SMCO2: variants seen among roughly 807,000 people sequenced by gnomAD.
The protein encoded by SMCO2 is single-pass membrane protein with coiled-coil domains 2.
Under a neutral mutation model 29.5 loss-of-function variants are expected in SMCO2, and 25 were observed. That is an observed-to-expected ratio of 0.85 (90% CI 0.62 to 1.18). The LOEUF is 1.18. Ranked by LOEUF, SMCO2 falls within the 50% of genes most tolerant of loss-of-function variation. The pLI is 0.00. For missense variants in SMCO2, 348 were observed against 344.5 expected (o/e 1.01, Z -0.08); for synonymous variants, 117 against 123.3 (o/e 0.95, Z 0.34).
chr12:27,431,333 A>G, the SMCO2 span, among the ~76,000 whole-genome samples: 1 of 152,150 alleles, frequency 6.6e-6, no homozygotes, highest in African/African-American at 2.4e-5. Flanking sequence ...AACACTACTG[A>G]ACCACACATT....
the SMCO2 span, among the ~76,000 whole-genome samples, chr12:27,446,875 A>G: frequency 6.6e-6 from 1 of 152,106 alleles, no homozygotes; most frequent in African/African-American, 2.4e-5. Context: ...AAGTTCCCTG[A>G]TGCTTTTGCT....
exon 8 of SMCO2, chr12:27,502,105 C>T: frequency 3.2e-6 from 5 of 1,540,096 alleles, no homozygotes; most frequent in Non-Finnish European, 4.4e-6. Context: ...GAAGTGGAAG[C>T]CTTGTTACCC....
chr12:27,462,591 G>A (rs1163907169), upstream of SMCO2, among the ~76,000 whole-genome samples: 2 of 152,142 alleles, frequency 1.3e-5, no homozygotes, highest in Non-Finnish European at 2.9e-5. Flanking sequence ...TAAGCTGCAA[G>A]GTAGCTATTG....
chr12:27,495,604 C>T, intron 6 of SMCO2, 76 bp from the exon 8 acceptor site: 1 of 1,314,304 alleles, frequency 7.6e-7, no homozygotes, highest in Non-Finnish European at 1.0e-6. Context: ...AGAGGAAAAG[C>T]ACTCAGCATT....
At chr12:27,459,373 A>G in the SMCO2 span, among the ~76,000 whole-genome samples, 1 of 152,160 alleles carries the variant, frequency 6.6e-6, no homozygotes, top group Non-Finnish European at 1.5e-5. Flanking sequence ...ACACAGAAAC[A>G]GAAAACCAAA....
rs412978 is a variant in SMCO2 at position 27,488,540 on chromosome 12, G to C, written c.443G>C (p.Ser148Thr). 4 of 1,537,924 alleles carry C rather than the reference G, an allele frequency of 2.6e-6. No homozygotes were observed. In the African/African-American group the frequency reaches 5.5e-5, roughly 21 times the overall value. ...GGCCTTGACCTTGATCAAGGGACAA[G>C]CACTGAGGTAAGCTAGAGACTTGGG... The change falls in exon 5 of 8, where the codon AGC becomes ACC. Residue 148 changes from serine to threonine, a missense_variant. Coordinates refer to ENST00000298876, the Ensembl canonical transcript of SMCO2.
At chr12:27,439,848 A>G in the SMCO2 span, among the ~76,000 whole-genome samples, 1 of 152,176 alleles carries the variant, frequency 6.6e-6, no homozygotes, top group Non-Finnish European at 1.5e-5. Context: ...CAAGATATAG[A>G]AAAAAACTTC....
At chr12:27,447,564 C>T in the SMCO2 span, among the ~76,000 whole-genome samples, 1 of 152,056 alleles carries the variant, frequency 6.6e-6, no homozygotes, top group Middle Eastern at 3.4e-3. Context: ...CTGAGACCAG[C>T]CTGGCAACAC....
At chr12:27,464,716 C>CG (rs1949484058), upstream of SMCO2, among the ~76,000 whole-genome samples, 6 of 46,128 alleles carry the variant, frequency 1.3e-4, no homozygotes, top group Admixed American at 2.7e-4. Context: ...GACCCTGTCT[C>CG]AAAAAAAAAA....
At chr12:27,469,581 G>T (rs1415945970) in intron 1 of SMCO2, among the ~76,000 whole-genome samples, 1 of 152,112 alleles carries the variant, frequency 6.6e-6, no homozygotes, top group Non-Finnish European at 1.5e-5. Context: ...TTGTCCCTCA[G>T]GGTGCTGGGA....
At chr12:27,486,816 C>T (rs441707) in intron 4 of SMCO2, among the ~76,000 whole-genome samples, 18,589 of 152,120 alleles carry the variant, frequency 0.12, 2,166 homozygotes, top group African/African-American at 0.29. Context: ...AGACCAAAAA[C>T]TAGAAGGTAA....
chr12:27,445,740 G>A, the SMCO2 span, among the ~76,000 whole-genome samples: 4 of 152,276 alleles, frequency 2.6e-5, no homozygotes, highest in South Asian at 2.1e-4. Flanking sequence ...CTGCCATCAC[G>A]AAATACCACA....
At chr12:27,453,154 T>A in the SMCO2 span, among the ~76,000 whole-genome samples, 1 of 152,196 alleles carries the variant, frequency 6.6e-6, no homozygotes, top group East Asian at 1.9e-4. Context: ...CATCATATCA[T>A]ACAAGGTCCC....
intron 5 of SMCO2, among the ~76,000 whole-genome samples, chr12:27,490,346 C>G (rs1239054796): frequency 6.6e-6 from 1 of 151,954 alleles, no homozygotes; most frequent in Non-Finnish European, 1.5e-5. Flanking sequence ...AGTTAGTTTC[C>G]CAGGTTTAGT....
chr12:27,458,888 G>GAA, the SMCO2 span, among the ~76,000 whole-genome samples: 9 of 76,884 alleles, frequency 1.2e-4, no homozygotes, highest in Admixed American at 3.2e-4. Flanking sequence ...ACTCTATCTC[G>GAA]AAAAAAAAAA....
chr12:27,432,697 T>C, the SMCO2 span, among the ~76,000 whole-genome samples: 1 of 152,228 alleles, frequency 6.6e-6, no homozygotes, highest in Non-Finnish European at 1.5e-5. Flanking sequence ...CAACCATTCA[T>C]GATCAACTGA....
chr12:27,477,988 G>T (rs1352321195), intron 4 of SMCO2, among the ~76,000 whole-genome samples: 1 of 151,776 alleles, frequency 6.6e-6, no homozygotes, highest in Non-Finnish European at 1.5e-5. Context: ...TGTTTCTTTG[G>T]TTCTTACATT....
At chr12:27,464,654 C>A (rs1185028118), upstream of SMCO2, among the ~76,000 whole-genome samples, 2 of 143,204 alleles carry the variant, frequency 1.4e-5, no homozygotes, top group African/African-American at 5.3e-5. Context: ...GAGGTCGAAC[C>A]TGCAATGAGC....
At chr12:27,450,070 G>A in the SMCO2 span, among the ~76,000 whole-genome samples, 1 of 152,192 alleles carries the variant, frequency 6.6e-6, no homozygotes, top group African/African-American at 2.4e-5. Flanking sequence ...TGTGCGGAAT[G>A]GATTCTGTGG....
Sources: allele counts gnomAD v4.1 joint callset (sites outside exome capture counted in the v4.1 genomes callset), GRCh38; gene constraint gnomAD v4.1.1; transcripts MANE v1.5; gene names NCBI Gene and HGNC (gene_info 2026-07-23, HGNC 2026-07-21).